TMEM255B: variants seen among roughly 807,000 people sequenced by gnomAD.
The protein encoded by TMEM255B is transmembrane protein 255B, also known as family with sequence similarity 70, member B.
In TMEM255B, 35 loss-of-function variants were observed where a neutral mutation model predicts 34.5. The observed-to-expected ratio is 1.01, with a 90% confidence interval of 0.77 to 1.34. The LOEUF (loss-of-function observed/expected upper bound fraction) is 1.34. Among genes scored for constraint, TMEM255B ranks in the 40% most tolerant of loss-of-function variants. TMEM255B has a pLI of 0.00. For missense variants in TMEM255B, 432 were observed against 433.2 expected (o/e 1.00, Z 0.02); for synonymous variants, 206 against 201.2 (o/e 1.02, Z -0.20).
chr13:113,809,309 TG>T, intron 8 of TMEM255B, among the ~76,000 whole-genome samples: 2 of 30,864 alleles, frequency 6.5e-5, no homozygotes, highest in Non-Finnish European at 1.4e-4. Flanking sequence ...CTGTGGTTCC[TG>T]GGGGTTTACT....
intron 3 of TMEM255B, among the ~76,000 whole-genome samples, chr13:113,778,390 G>C (rs543695035): frequency 1.1e-4 from 17 of 152,218 alleles, no homozygotes; most frequent in Admixed American, 2.6e-4. Flanking sequence ...CTTCTCCCGG[G>C]TGAGTCCCGA....
At chr13:113,808,315 G>A in intron 8 of TMEM255B, among the ~76,000 whole-genome samples, 1 of 152,196 alleles carries the variant, frequency 6.6e-6, no homozygotes, top group East Asian at 1.9e-4. Flanking sequence ...GGCATGAAGT[G>A]CAGGGGAGGA....
In TMEM255B at chr13:113,798,354, T is replaced by C. The variant is rs530120790; in HGVS notation, c.343-985T>C. Reference sequence around the variant, plus strand: ...TGACAGATGGGTGAATGGATGGATGTGGATGAATAGAAGGATGGATAATGG... The same window carrying C: ...TGACAGATGGGTGAATGGATGGATGCGGATGAATAGAAGGATGGATAATGG... On this transcript the variant is annotated intron_variant, in intron 4 of 8. Coordinates refer to ENST00000375353, the MANE Select transcript of TMEM255B (RefSeq NM_182614.4). Among the ~76,000 whole-genome samples, 28 of 151,106 alleles carry C rather than the reference T, an allele frequency of 1.9e-4. 1 individual carries two copies. The South Asian group carries it at 2.3e-3, about 12-fold the overall frequency.
chr13:113,809,292 G>T (rs1321981284), intron 8 of TMEM255B, among the ~76,000 whole-genome samples: 47 of 52,018 alleles, frequency 9.0e-4, no homozygotes, highest in Non-Finnish European at 1.5e-3. Flanking sequence ...GTTCCTGGGG[G>T]TTTACTCTGT....
rs371342802 is a variant in TMEM255B, at chr13:113,800,962, C to T, written c.509+50C>T. On this transcript the variant is annotated intron_variant, in intron 6 of 8. Transcript: ENST00000375353. ...ATCTACACCTGCGGGAGGTGAGGGG[C>T]GCTGGGGACCCCCGTATCTACACCT... 78 of 1,176,350 alleles carry T rather than the reference C, an allele frequency of 6.6e-5. 1 individual carries two copies. The highest frequency in any genetic ancestry group is 3.4e-4 in the Middle Eastern group (1 of 2,982). The allele number at this position is 1,176,350 out of a possible 1,614,324, so 72.9% of individuals were successfully genotyped here.
chr13:113,769,464 G>A lies in TMEM255B; in HGVS notation c.252+304G>A, dbSNP rs979254127. The stretch of plus-strand genomic sequence containing the variant: ...ATGCATGAAGTTTGGGACGGGGGTG[G>A]CAAATTAAATTAAGTCCTAGTGTGT... On this transcript the variant is annotated intron_variant, in intron 3 of 8. Transcript: ENST00000375353. The surrounding 1 kb of genome is among the most constrained non-coding windows in gnomAD (Gnocchi z 4.2). 7 of 360,922 alleles carry A rather than the reference G, an allele frequency of 1.9e-5. No homozygotes were observed. Among genetic ancestry groups the A allele is most frequent in the Non-Finnish European group, 3.1e-5 (6 of 192,510 alleles). 22.4% of individuals were successfully genotyped at this position (360,922 alleles called of 1,614,324 possible).
chr13:113,801,502 C>G, intron 6 of TMEM255B, 151 bp from the exon 7 acceptor site: 1 of 862,556 alleles, frequency 1.2e-6, no homozygotes, highest in Non-Finnish European at 1.6e-6. Context: ...TAGGTTTGAT[C>G]TCCCAGAGCA....
At chr13:113,807,686 C>G (rs1484083204) in intron 8 of TMEM255B, among the ~76,000 whole-genome samples, 2 of 131,650 alleles carry the variant, frequency 1.5e-5, no homozygotes, top group Admixed American at 7.8e-5. Flanking sequence ...CCCCGTCACA[C>G]GCAGGCTTAC....
At chr13:113,803,530 T>C (rs1408357788) in intron 7 of TMEM255B, among the ~76,000 whole-genome samples, 1 of 147,980 alleles carries the variant, frequency 6.8e-6, no homozygotes, top group Admixed American at 6.7e-5. Context: ...CGCGTGTGAC[T>C]CCGTGGCCCC....
rs910323923 is a variant in TMEM255B at position 113,777,876 on chromosome 13, C to G, written c.252+8716C>G. 5.3e-5 allele frequency among the ~76,000 whole-genome samples: 8 copies of G among 152,348 alleles called. No homozygotes were observed. The East Asian group carries it at 1.4e-3, about 26-fold the overall frequency. ...GTGCCTCCTCCTTGGCTGACCCTGT[C>G]ATTCACCACCTGAAGCCATTGCTAA... On this transcript the variant is annotated intron_variant, in intron 3 of 8. Transcript: ENST00000375353.
At chr13:113,789,308 C>T (rs1443489853) in intron 3 of TMEM255B, among the ~76,000 whole-genome samples, 1 of 152,226 alleles carries the variant, frequency 6.6e-6, no homozygotes, top group Non-Finnish European at 1.5e-5. Context: ...ATCCTTGTGG[C>T]TCCAGTGCAG....
rs1198379729 is a variant in TMEM255B at position 113,767,488 on chromosome 13, G to T, written c.189+1231G>T. 2.0e-5 allele frequency among the ~76,000 whole-genome samples: 3 copies of T among 152,222 alleles called. No individual in the cohort carries two copies. The East Asian group carries it at 5.8e-4, about 29-fold the overall frequency. ...GAAACATCAAGATCAGCCTTGAGTGGTTGTTTTTTTTGGTTTGTCCTCAAG... is the reference window on the plus strand; with the variant it reads ...GAAACATCAAGATCAGCCTTGAGTGTTTGTTTTTTTTGGTTTGTCCTCAAG... On this transcript the variant is annotated intron_variant, in intron 2 of 8. Transcript: ENST00000375353.
At chr13:113,792,896 G>GC (rs1174173859) in intron 3 of TMEM255B, among the ~76,000 whole-genome samples, 1 of 152,272 alleles carries the variant, frequency 6.6e-6, no homozygotes, top group Non-Finnish European at 1.5e-5. Flanking sequence ...CGCGGGAAGG[G>GC]CGGGGAGGTG....
In TMEM255B at chr13:113,811,827, T is replaced by C. The variant is rs1356216026; in HGVS notation, c.905T>C (p.Leu302Pro). 8.7e-6 allele frequency: 14 copies of C among 1,613,898 alleles called. No homozygotes were observed. Among genetic ancestry groups the C allele is most frequent in the Admixed American group, 1.7e-5 (1 of 60,010 alleles). Residue 302 changes from leucine (L) to proline (P), a missense_variant, in exon 9 of 9, where the codon CTT becomes CCT. Coordinates refer to ENST00000375353, the MANE Select transcript of TMEM255B (RefSeq NM_182614.4). ...PPSPSSSGSG[L>P]PGQAPPCYAP... ...TCTCCAAGCAGCTCTGGCTCTGGGC[T>C]TCCCGGCCAGGCTCCACCGTGCTAC... is the stretch of plus-strand genomic sequence containing the variant.
intron 3 of TMEM255B, among the ~76,000 whole-genome samples, chr13:113,776,937 G>C (rs944110498): frequency 6.6e-6 from 1 of 152,138 alleles, no homozygotes; most frequent in African/African-American, 2.4e-5. Context: ...CATTGGTTAC[G>C]AGGTAGAGCT....
chr13:113,795,410 C>T (rs1000521641), intron 4 of TMEM255B, among the ~76,000 whole-genome samples, 173 bp downstream of exon 4: 6 of 152,258 alleles, frequency 3.9e-5, no homozygotes, highest in African/African-American at 1.2e-4. Flanking sequence ...TCCTACACAA[C>T]GAACTTCCCT....
At chr13:113,762,266 A>G (rs1209296289) in intron 1 of TMEM255B, among the ~76,000 whole-genome samples, 1 of 151,768 alleles carries the variant, frequency 6.6e-6, no homozygotes, top group Non-Finnish European at 1.5e-5. Flanking sequence ...TCTCATTTTT[A>G]TGCTGTGTCA....
At chr13:113,784,352 C>G (rs2050708619) in intron 3 of TMEM255B, among the ~76,000 whole-genome samples, 1 of 152,146 alleles carries the variant, frequency 6.6e-6, no homozygotes, top group African/African-American at 2.4e-5. Context: ...CCCACTGGTC[C>G]TCTGAGGACC....
In TMEM255B at chr13:113,769,016, G is replaced by A. The variant is rs1418658859; in HGVS notation, c.190-82G>A. The A allele has an allele frequency of 1.9e-5, 29 of 1,501,174 alleles. No homozygotes were observed. Among genetic ancestry groups the A allele is most frequent in the South Asian group, 5.7e-5 (5 of 87,822 alleles). The allele number at this position is 1,501,174 out of a possible 1,614,324, so 93.0% of individuals were successfully genotyped here. A position where few individuals can be genotyped will look rare whatever the true frequency, so the allele number is the denominator to read the frequency against. On this transcript the variant is annotated intron_variant, in intron 2 of 8. Transcript: ENST00000375353. This position sits in a 1 kb window ranked among gnomAD's most constrained non-coding sequence, Gnocchi z 4.2. ...CCCTGGATAAAATGCCTTTGAGGGC[G>A]GGATTATTTGCTTTAAATGTCAGTG...
Sources: allele counts gnomAD v4.1 joint callset (sites outside exome capture counted in the v4.1 genomes callset), GRCh38; gene constraint gnomAD v4.1.1; non-coding constraint Gnocchi (gnomAD v3.1); transcripts MANE v1.5; gene names NCBI Gene and HGNC (gene_info 2026-07-23, HGNC 2026-07-21).